The following LDB2 variants were observed in gnomAD, a reference collection of about 807,000 sequenced individuals.
LDB2 encodes the protein LIM domain-binding protein 2.
In LDB2, 12 loss-of-function variants were observed where a neutral mutation model predicts 44.3. The ratio of observed to expected loss-of-function variants is 0.27; its 90% CI spans 0.17 to 0.44. LDB2 has a LOEUF of 0.44. Ranked by LOEUF, LDB2 falls within the 20% of genes least tolerant of loss-of-function variation. The probability of loss-of-function intolerance (pLI) is 1.00; values close to 1 mark genes in which losing one functional copy is unlikely to be tolerated. For synonymous variants in LDB2, 164 were observed against 174.8 expected, an observed-to-expected ratio of 0.94 and a Z score of 0.49; for missense variants, 344 against 473.5, an observed-to-expected ratio of 0.73 and a Z score of 2.54.
At chr4:16,650,281 A>G (rs1737902889) in intron 2 of LDB2, among the ~76,000 whole-genome samples, 1 of 152,194 alleles carries the variant, frequency 6.6e-6, no homozygotes, top group African/African-American at 2.4e-5. Flanking sequence ...GAGTTAATAC[A>G]TGCCAAATAC....
chr4:16,690,383 G>T (rs1439988987), intron 2 of LDB2, among the ~76,000 whole-genome samples: 2 of 150,362 alleles, frequency 1.3e-5, no homozygotes, highest in Non-Finnish European at 3.0e-5. Context: ...AATCACCTGA[G>T]CCCAGGAGGT....
intron 1 of LDB2, among the ~76,000 whole-genome samples, chr4:16,840,959 G>A (rs1285833430): frequency 6.6e-6 from 1 of 152,150 alleles, no homozygotes; most frequent in Non-Finnish European, 1.5e-5. Context: ...ACATAGACTT[G>A]ATTAGGAACA....
intron 2 of LDB2, among the ~76,000 whole-genome samples, chr4:16,742,603 T>C (rs972736550): frequency 5.3e-5 from 8 of 152,120 alleles, no homozygotes; most frequent in Non-Finnish European, 7.4e-5. Context: ...GGTGATAGGA[T>C]TCAACGCACC....
At chr4:16,789,969 G>T (rs1311841875) in intron 1 of LDB2, among the ~76,000 whole-genome samples, 1 of 152,144 alleles carries the variant, frequency 6.6e-6, no homozygotes, top group Non-Finnish European at 1.5e-5. Flanking sequence ...TATGAGATGG[G>T]TGTGGTTATC....
chr4:16,577,479 C>G (rs1712168785), intron 5 of LDB2, among the ~76,000 whole-genome samples: 1 of 151,970 alleles, frequency 6.6e-6, no homozygotes, highest in Admixed American at 6.6e-5. Context: ...ATTACAATAG[C>G]TACAAATTAA....
chr4:16,876,855 C>T, intron 1 of LDB2, among the ~76,000 whole-genome samples: 1 of 151,920 alleles, frequency 6.6e-6, no homozygotes, highest in Non-Finnish European at 1.5e-5. Flanking sequence ...ATTGTATAAA[C>T]CTTTAACCAT....
intron 1 of LDB2, among the ~76,000 whole-genome samples, chr4:16,851,339 G>GA (rs1310167355): frequency 6.6e-6 from 1 of 151,892 alleles, no homozygotes; most frequent in African/African-American, 2.4e-5. Flanking sequence ...GGAGTAAATG[G>GA]AAAAAAGGAA....
intron 1 of LDB2, among the ~76,000 whole-genome samples, chr4:16,835,132 T>A (rs1472640024): frequency 6.6e-6 from 1 of 152,212 alleles, no homozygotes; most frequent in Non-Finnish European, 1.5e-5. Flanking sequence ...AGGCCTTAAT[T>A]TCATAAATCA....
At chr4:16,777,696 TCTCTTCTGGC>T (rs1208671204) in intron 1 of LDB2, among the ~76,000 whole-genome samples, 3 of 152,116 alleles carry the variant, frequency 2.0e-5, no homozygotes, top group African/African-American at 7.2e-5. Flanking sequence ...AAATTCCTTC[TCTCTTCTGGC>T]CTCGGTTTCC....
chr4:16,844,886 G>C (rs937981539), intron 1 of LDB2, among the ~76,000 whole-genome samples: 10 of 152,172 alleles, frequency 6.6e-5, no homozygotes, highest in African/African-American at 2.2e-4. Flanking sequence ...AACATTCAGA[G>C]CAAATGGATT....
chr4:16,572,802 A>G (rs1488927098), intron 5 of LDB2, among the ~76,000 whole-genome samples: 1 of 152,130 alleles, frequency 6.6e-6, no homozygotes, highest in Non-Finnish European at 1.5e-5. Context: ...CCAAGTTTTA[A>G]TCATTCTCTG....
Position 16,685,169 on chromosome 4 carries a change from A to C in LDB2, c.235+73989T>G, listed in dbSNP as rs1330669561. Among the ~76,000 whole-genome samples the C allele has an allele frequency of 2.6e-5, 4 of 152,282 alleles. No individual in the cohort carries two copies. In the East Asian group the frequency reaches 7.7e-4, roughly 29 times the overall value. The stretch of plus-strand genomic sequence containing the variant: ...AAAATAAATAACACTTCTATCATAA[A>C]CAGTTGATGAAAGGAAAGGATATTT... On this transcript the variant is annotated intron_variant, in intron 2 of 7. Coordinates refer to ENST00000304523, the MANE Select transcript of LDB2 (RefSeq NM_001290.5).
At chr4:16,650,777 CTG>C (rs1738058060) in intron 2 of LDB2, among the ~76,000 whole-genome samples, 1 of 152,176 alleles carries the variant, frequency 6.6e-6, no homozygotes, top group South Asian at 2.1e-4. Flanking sequence ...CATATGTCAA[CTG>C]TCACAAAGTA....
chr4:16,666,402 G>C (rs1183957653), intron 2 of LDB2, among the ~76,000 whole-genome samples: 1 of 152,200 alleles, frequency 6.6e-6, no homozygotes, highest in Non-Finnish European at 1.5e-5. Flanking sequence ...TGAGCCTGCA[G>C]CTGTCCTCCA....
chr4:16,645,830 G>A (rs1736650097), intron 2 of LDB2, among the ~76,000 whole-genome samples: 2 of 152,098 alleles, frequency 1.3e-5, no homozygotes, highest in Non-Finnish European at 2.9e-5. Context: ...AAGTCTCAAT[G>A]TTTTTGGTTG....
intron 2 of LDB2, among the ~76,000 whole-genome samples, chr4:16,675,050 T>G (rs976725715): frequency 2.6e-5 from 4 of 152,232 alleles, no homozygotes; most frequent in Non-Finnish European, 5.9e-5. Context: ...TCACTGTACC[T>G]TCGCAGTATC....
At chr4:16,558,920 A>C (rs1376904714) in intron 5 of LDB2, among the ~76,000 whole-genome samples, 1 of 152,236 alleles carries the variant, frequency 6.6e-6, no homozygotes, top group Non-Finnish European at 1.5e-5. Flanking sequence ...ATTCTTAAAG[A>C]AAAGAATTTT....
intron 2 of LDB2, among the ~76,000 whole-genome samples, chr4:16,664,945 T>A (rs924637729): frequency 2.6e-5 from 4 of 152,236 alleles, no homozygotes; most frequent in Non-Finnish European, 5.9e-5. Flanking sequence ...ACAAATGTAC[T>A]TTCTGCATTG....
At chr4:16,754,765 C>G (rs1328136430) in intron 2 of LDB2, among the ~76,000 whole-genome samples, 1 of 152,174 alleles carries the variant, frequency 6.6e-6, no homozygotes, top group Non-Finnish European at 1.5e-5. Flanking sequence ...CTCCTGACCT[C>G]AGGTGATTCA....
Sources: allele counts gnomAD v4.1 joint callset (sites outside exome capture counted in the v4.1 genomes callset), GRCh38; gene constraint gnomAD v4.1.1; transcripts MANE v1.5; gene names NCBI Gene and HGNC (gene_info 2026-07-23, HGNC 2026-07-21).